Variants in PDLIM5 observed in about 807,000 individuals in gnomAD.
PDLIM5 encodes the protein PDZ and LIM domain protein 5.
In PDLIM5, 34 loss-of-function variants were observed where a neutral mutation model predicts 64.2. The ratio of observed to expected loss-of-function variants is 0.53; its 90% CI spans 0.40 to 0.71. The LOEUF (loss-of-function observed/expected upper bound fraction) is 0.71. PDLIM5 is among the 30% of genes least tolerant of loss of function. The pLI is 0.00. For missense variants in PDLIM5, 683 were observed against 733.6 expected (o/e 0.93, Z 0.80); for synonymous variants, 253 against 269.1 (o/e 0.94, Z 0.59).
At position 94,603,830 on chromosome 4, in the gene PDLIM5, G is replaced by A. The variant is rs571151226; in HGVS notation, c.921-14174G>A. Among the ~76,000 whole-genome samples the A allele has an allele frequency of 4.6e-5, 7 of 152,298 alleles. No homozygotes were observed. The South Asian group carries it at 1.5e-3, about 32-fold the overall frequency. ...TAACTGCCTGGCCCTCAAGTTTCAAGCATTGAATATAACACCCTTAAGTAA... is the reference window on the plus strand; with the variant it reads ...TAACTGCCTGGCCCTCAAGTTTCAAACATTGAATATAACACCCTTAAGTAA... On this transcript the variant is annotated intron_variant, in intron 7 of 12. Coordinates refer to ENST00000317968, the MANE Select transcript of PDLIM5 (RefSeq NM_006457.5).
chr4:94,603,448 G>C (rs776272486), intron 7 of PDLIM5, among the ~76,000 whole-genome samples: 4 of 152,102 alleles, frequency 2.6e-5, no homozygotes, highest in Non-Finnish European at 2.9e-5. Context: ...GATGGATGGC[G>C]TAATGAGAAA....
chr4:94,605,905 A>T (rs1218235625), intron 7 of PDLIM5, among the ~76,000 whole-genome samples: 2 of 150,792 alleles, frequency 1.3e-5, no homozygotes, highest in Non-Finnish European at 2.9e-5. Context: ...GTAGATATTG[A>T]TAATAATTTA....
intron 7 of PDLIM5, among the ~76,000 whole-genome samples, chr4:94,600,544 G>GA (rs1737412934): frequency 6.6e-6 from 1 of 152,260 alleles, no homozygotes; most frequent in South Asian, 2.1e-4. Context: ...TCCCGAATCT[G>GA]AAAAATACCT....
chr4:94,456,525 T>G (rs971871244), intron 2 of PDLIM5: 2 of 714,472 alleles, frequency 2.8e-6, no homozygotes, highest in Non-Finnish European at 5.1e-6. Context: ...TGCTTTTTTT[T>G]GCAACAATTT....
chr4:94,641,749 G>T (rs1379062275), intron 9 of PDLIM5, among the ~76,000 whole-genome samples: 1 of 152,196 alleles, frequency 6.6e-6, no homozygotes, highest in Non-Finnish European at 1.5e-5. Flanking sequence ...TGCTTAGTAA[G>T]AATTAGCCAG....
chr4:94,584,941 A>G, intron 5 of PDLIM5: 2 of 1,333,858 alleles, frequency 1.5e-6, no homozygotes, highest in South Asian at 2.5e-5. Flanking sequence ...CTTTTTCTTC[A>G]TGTTGGAAAT....
chr4:94,472,140 T>A (rs867989112), intron 2 of PDLIM5, among the ~76,000 whole-genome samples: 2 of 152,028 alleles, frequency 1.3e-5, no homozygotes, highest in African/African-American at 4.8e-5. Flanking sequence ...CTAGAAGCAA[T>A]TTTTTTAATA....
chr4:94,570,358 C>T (rs965007371), intron 3 of PDLIM5, among the ~76,000 whole-genome samples: 3 of 151,902 alleles, frequency 2.0e-5, no homozygotes, highest in South Asian at 2.1e-4. Flanking sequence ...AAAAGATGTA[C>T]GTATTAGTTC....
intron 7 of PDLIM5, 96 bp downstream of exon 7, chr4:94,586,540 C>A: frequency 2.8e-6 from 2 of 703,466 alleles, no homozygotes; most frequent in South Asian, 1.9e-5. Flanking sequence ...TATGGCATTT[C>A]GTCTTTGCAG....
chr4:94,576,864 AATT>A (rs1210765785), intron 5 of PDLIM5, among the ~76,000 whole-genome samples: 1 of 152,168 alleles, frequency 6.6e-6, no homozygotes, highest in Non-Finnish European at 1.5e-5. Flanking sequence ...AGCAACCTTC[AATT>A]ATTTGTTTAT....
intron 8 of PDLIM5, among the ~76,000 whole-genome samples, chr4:94,622,230 CTT>C (rs1739293604): frequency 6.6e-6 from 1 of 150,998 alleles, no homozygotes; most frequent in Non-Finnish European, 1.5e-5. Flanking sequence ...ATGAAAAAGT[CTT>C]TTGATTTAGA....
At chr4:94,587,188 G>A in intron 7 of PDLIM5, 2 of 1,444,764 alleles carry the variant, frequency 1.4e-6, no homozygotes, top group South Asian at 1.5e-5. Flanking sequence ...TGAAAAAATA[G>A]AACTTTTTCT....
At chr4:94,530,831 G>GA (rs1363410240) in intron 3 of PDLIM5, among the ~76,000 whole-genome samples, 2 of 152,076 alleles carry the variant, frequency 1.3e-5, no homozygotes, top group Admixed American at 1.3e-4. Context: ...GATTATAAGA[G>GA]AAAAGAAGAA....
At chr4:94,642,760 G>A (rs1388731330) in intron 9 of PDLIM5, among the ~76,000 whole-genome samples, 2 of 152,142 alleles carry the variant, frequency 1.3e-5, no homozygotes, top group African/African-American at 4.8e-5. Flanking sequence ...TGGCCTCAGT[G>A]TCACTATTAC....
At chr4:94,620,027 A>G (rs1739095636) in intron 8 of PDLIM5, among the ~76,000 whole-genome samples, 1 of 152,004 alleles carries the variant, frequency 6.6e-6, no homozygotes. Context: ...GACCTTTTAT[A>G]CTTTGGCCCC....
intron 3 of PDLIM5, among the ~76,000 whole-genome samples, chr4:94,549,320 C>T (rs1028342733): frequency 6.6e-6 from 1 of 152,098 alleles, no homozygotes; most frequent in Admixed American, 6.6e-5. Context: ...TTCTCATTCT[C>T]CTGTAGATTG....
At chr4:94,594,219 A>G (rs1481466145) in intron 7 of PDLIM5, among the ~76,000 whole-genome samples, 1 of 151,956 alleles carries the variant, frequency 6.6e-6, no homozygotes, top group Non-Finnish European at 1.5e-5. Context: ...TTTTCTTGAT[A>G]TTTTCTGTTT....
At chr4:94,618,259 A>T in intron 8 of PDLIM5, 68 bp downstream of exon 8, 1 of 1,089,626 alleles carries the variant, frequency 9.2e-7, no homozygotes, top group South Asian at 1.7e-5. Context: ...GTGTTCTGGG[A>T]TATATGGTAG....
chr4:94,549,629 A>G (rs889673331), intron 3 of PDLIM5, among the ~76,000 whole-genome samples: 1 of 152,210 alleles, frequency 6.6e-6, no homozygotes, highest in African/African-American at 2.4e-5. Flanking sequence ...CTGAAGTTTA[A>G]AAAGTTGAGT....
Sources: allele counts gnomAD v4.1 joint callset (sites outside exome capture counted in the v4.1 genomes callset), GRCh38; gene constraint gnomAD v4.1.1; transcripts MANE v1.5; gene names NCBI Gene and HGNC (gene_info 2026-07-23, HGNC 2026-07-21).